The following CIC variants were observed in gnomAD, a reference collection of about 807,000 sequenced individuals.
CIC encodes the protein capicua transcriptional repressor.
A neutral mutation model predicts 115.7 loss-of-function variants in CIC; 18 were observed. That is an observed-to-expected ratio of 0.16 (90% CI 0.11 to 0.23). The LOEUF (loss-of-function observed/expected upper bound fraction) is 0.23, where lower values mean the gene tolerates loss of function less well. Among genes scored for constraint, CIC ranks in the 10% least tolerant of loss-of-function variants. CIC has a pLI of 1.00. For missense variants in CIC, 2,000 were observed against 2,159.3 expected (o/e 0.93, Z 1.46); for synonymous variants, 1,076 against 923.0 (o/e 1.17, Z -3.01).
chr19:42,279,557 G>A (rs896800166), intron 2 of CIC, among the ~76,000 whole-genome samples: 3 of 152,238 alleles, frequency 2.0e-5, no homozygotes, highest in Non-Finnish European at 4.4e-5. Flanking sequence ...CATGAGCAAA[G>A]ACCAGGAAGA....
In CIC at chr19:42,295,678, TA is replaced by T. The variant is rs1280610863; in HGVS notation, c.*489del. The T allele has an allele frequency of 8.6e-6, 2 of 232,060 alleles. No homozygotes were observed. Among genetic ancestry groups the T allele is most frequent in the Non-Finnish European group, 1.7e-5 (2 of 117,466 alleles). 14.4% of individuals were successfully genotyped at this position (232,060 alleles called of 1,614,324 possible). A position where few individuals can be genotyped will look rare whatever the true frequency, so the allele number is the denominator to read the frequency against. ...CCCTCCCAACTTGGGTTGTACTTTC[TA>T]AGAAGGTGATTCCCCCTGCCCTTGC... On this transcript the variant is annotated 3_prime_UTR_variant, in exon 21 of 21. Coordinates refer to ENST00000681038, the MANE Select transcript of CIC (RefSeq NM_001386298.1).
chr19:42,287,875 C>T lies in CIC; in HGVS notation c.3558C>T (p.Ser1186=), dbSNP rs1248745980. ...GGTGCAACAAGGACCGAAAGAAGTC[C>T]AGCTCAGAGGCCAAGCCCACGAGCC... The part of the protein sequence containing the change: ...WKWCNKDRKK[S]SSEAKPTSLG... Residue 1186 remains serine (S), a synonymous_variant, in exon 7 of 21, where the codon TCC becomes TCT. Transcript: ENST00000681038. This position sits in a 1 kb window ranked among gnomAD's most constrained non-coding sequence, Gnocchi z 8.7. 6 of 1,612,292 alleles carry T rather than the reference C, an allele frequency of 3.7e-6. No homozygotes were observed. Among genetic ancestry groups the T allele is most frequent in the Non-Finnish European group, 3.4e-6 (4 of 1,179,178 alleles).
In CIC at chr19:42,292,912, G is replaced by A. The variant is rs200952121; in HGVS notation, c.6197-44G>A. 139 of 1,613,926 alleles carry A rather than the reference G, an allele frequency of 8.6e-5. No homozygotes were observed. In the East Asian group the frequency reaches 3.0e-3, roughly 35 times the overall value. On this transcript the variant is annotated intron_variant, in intron 15 of 20. Coordinates refer to ENST00000681038, the MANE Select transcript of CIC (RefSeq NM_001386298.1). The stretch of plus-strand genomic sequence containing the variant: ...GTGAGTTGGGGGACCCAGGGGATGG[G>A]CTCCAGTCAGGCCTGGCTCAGCAAA...
chr19:42,291,503 A>G (rs767210220), intron 11 of CIC, 37 bp downstream of exon 11: 24 of 1,613,072 alleles, frequency 1.5e-5, no homozygotes, highest in South Asian at 2.2e-5. Flanking sequence ...GGGAGGGGCC[A>G]TAGTCCTGTT....
rs1390998169 is a variant in CIC at position 42,290,486 on chromosome 19, C to T, written c.4445C>T (p.Pro1482Leu). 1 of 1,613,772 alleles carries T rather than the reference C, an allele frequency of 6.2e-7. No individual in the cohort carries two copies. Residue 1482 changes from proline to leucine, a missense_variant, in exon 11 of 21, where the codon CCC becomes CTC. This residue lies in a region of CIC where 1,466 missense variants were observed against 1,390.4 expected (regional missense o/e 1.05). Transcript: ENST00000681038. ...GQGSTAGPLRPPPPGAGGPAT... is the reference protein window; with the variant it reads ...GQGSTAGPLRLPPPGAGGPAT... ...GGCAGCACAGCGGGCCCCCTACGGC[C>T]CCCACCCCCTGGGGCTGGGGGTCCA...
rs556729516 is a variant in CIC at position 42,290,588 on chromosome 19, G to A, written c.4547G>A (p.Gly1516Asp). 6.2e-7 allele frequency: 1 copy of A among 1,613,782 alleles called. No homozygotes were observed. Among genetic ancestry groups the A allele is most frequent in the East Asian group, 2.2e-5 (1 of 44,868 alleles). ...TFRRKRPESV[G>D]GLEPPGPSVI... ...CGGCGCAAGAGACCCGAAAGTGTGG[G>A]TGGCCTGGAGCCACCAGGCCCCTCA... The change falls in exon 11 of 21, where the codon GGT becomes GAT. Residue 1516 changes from glycine to aspartate, a missense_variant. By Grantham distance (94) the Gly-to-Asp change is moderately conservative. Around this residue, in one of 8 missense-constraint regions of CIC, gnomAD observed 1,466 missense variants for 1,390.4 expected, o/e 1.05. Transcript: ENST00000681038.
chr19:42,290,910 G>A lies in CIC; in HGVS notation c.4869G>A (p.Gly1623=), dbSNP rs1234311163. ...GTGCCAGGACTGAAATGGGCACTGGGTCTCGGGTGCCTGGGGGCTCCCCGC... is the reference window on the plus strand; with the variant it reads ...GTGCCAGGACTGAAATGGGCACTGGATCTCGGGTGCCTGGGGGCTCCCCGC... ...TAGARTEMGT[G]SRVPGGSPLG... Residue 1623 remains glycine, a synonymous_variant, in exon 11 of 21, where the codon GGG becomes GGA. Transcript: ENST00000681038. 3 of 1,613,430 alleles carry A rather than the reference G, an allele frequency of 1.9e-6. No individual in the cohort carries two copies. In the Admixed American group the frequency reaches 5.0e-5, roughly 27 times the overall value.
intron 2 of CIC, among the ~76,000 whole-genome samples, chr19:42,283,714 C>T (rs576302784): frequency 6.6e-6 from 1 of 152,134 alleles, no homozygotes; most frequent in South Asian, 2.1e-4. Context: ...GGACACACAA[C>T]AGCACCACGC....
rs1202627802 is a variant in CIC, at chr19:42,273,569, G to A, written c.1786G>A (p.Glu596Lys). 1 of 398,422 alleles carries A rather than the reference G, an allele frequency of 2.5e-6. No homozygotes were observed. The highest frequency in any genetic ancestry group is 4.4e-6 in the Non-Finnish European group (1 of 226,018). 24.7% of individuals were successfully genotyped at this position (398,422 alleles called of 1,614,324 possible). A position where few individuals can be genotyped will look rare whatever the true frequency, so the allele number is the denominator to read the frequency against. Residue 596 changes from glutamate (E) to lysine (K), a missense_variant, in exon 2 of 21, where the codon GAG becomes AAG. Glu to Lys is a moderately conservative substitution (Grantham distance 56). This residue lies in a region of CIC where 222 missense variants were observed against 247.7 expected (regional missense o/e 0.90). Transcript: ENST00000681038. ...PADLSRFEFD[E>K]CEAAVMLVSL... ...TGACTTGTCACGCTTTGAGTTCGAC[G>A]AGTGTGAGGCGGCCGTGATGCTGGT... is the stretch of plus-strand genomic sequence containing the variant.
intron 9 of CIC, 109 bp from the exon 10 acceptor site, chr19:42,289,739 A>G: frequency 2.0e-6 from 2 of 987,766 alleles, no homozygotes; most frequent in South Asian, 2.8e-5. Context: ...CTTCCTGGAC[A>G]GCACTCCCTG....
chr19:42,269,481 A>C (rs2036683004), intron 1 of CIC, 100 bp downstream of exon 1: 1 of 98,900 alleles, frequency 1.0e-5, no homozygotes. Flanking sequence ...TACAGGGGGA[A>C]AGGGGTGGGC....
In CIC at chr19:42,292,593, G is replaced by C. The variant is rs751288691; in HGVS notation, c.5930G>C (p.Gly1977Ala). The C allele has an allele frequency of 3.1e-6, 5 of 1,613,328 alleles. No individual in the cohort carries two copies. The highest frequency in any genetic ancestry group is 4.2e-6 in the Non-Finnish European group (5 of 1,179,926). ...SAGQAPLLAP[G>A]QVGVSPVPSP... ...GGCCAAGCCCCACTGCTGGCTCCCGGTCAGGTGGGCGTGTCACCTGTGCCC... is the reference window on the plus strand; with the variant it reads ...GGCCAAGCCCCACTGCTGGCTCCCGCTCAGGTGGGCGTGTCACCTGTGCCC... Residue 1977 changes from glycine to alanine, a missense_variant, in exon 15 of 21, where the codon GGT becomes GCT. By Grantham distance (60) the Gly-to-Ala change is moderately conservative (BLOSUM62 0). Around this residue, in one of 8 missense-constraint regions of CIC, gnomAD observed 1,466 missense variants for 1,390.4 expected, o/e 1.05. Coordinates refer to ENST00000681038, the MANE Select transcript of CIC (RefSeq NM_001386298.1).
intron 2 of CIC, 124 bp from the exon 3 acceptor site, chr19:42,286,647 C>T (rs952506418): frequency 1.0e-5 from 12 of 1,181,306 alleles, no homozygotes; most frequent in East Asian, 7.4e-5. Context: ...CCAAGAGGCT[C>T]TGGTGTTGGG....
In CIC at chr19:42,294,081, A is replaced by G. The variant is rs759847617; in HGVS notation, c.6914A>G (p.Asn2305Ser). The change falls in exon 18 of 21, where the codon AAC becomes AGC. Residue 2305 changes from asparagine (N) to serine (S), a missense_variant. This residue lies in a region of CIC where 99 missense variants were observed against 217.6 expected (regional missense o/e 0.45). Coordinates refer to ENST00000681038, the MANE Select transcript of CIC (RefSeq NM_001386298.1). ...GGCTCTTACCGCAAGAAGAGGAAGA[A>G]CTCCACGGGTAGGCGAGCATTGGGC... ...ILGSYRKKRK[N>S]STDLDSAPED... The G allele has an allele frequency of 6.2e-7, 1 of 1,613,496 alleles. No homozygotes were observed. Among genetic ancestry groups the G allele is most frequent in the East Asian group, 2.2e-5 (1 of 44,862 alleles).
At position 42,280,658 on chromosome 19, in the gene CIC, A is replaced by C. The variant is rs2037192113; in HGVS notation, c.2794+6081A>C. On this transcript the variant is annotated intron_variant, in intron 2 of 20. Coordinates refer to ENST00000681038, the MANE Select transcript of CIC (RefSeq NM_001386298.1). The surrounding 1 kb of genome is among the most constrained non-coding windows in gnomAD (Gnocchi z 4.9). ...CCCCGCCGCGGCCCGCGTGGGTGTC[A>C]GGCCGGCCGGGCACCCGTCCGCCCT... 2.6e-5 allele frequency among the ~76,000 whole-genome samples: 4 copies of C among 151,824 alleles called. No individual in the cohort carries two copies. The South Asian group carries it at 6.2e-4, about 24-fold the overall frequency.
At chr19:42,285,522 C>T (rs1008871960) in intron 2 of CIC, among the ~76,000 whole-genome samples, 12 of 152,216 alleles carry the variant, frequency 7.9e-5, no homozygotes, top group Admixed American at 6.5e-4. Context: ...TTGTCAGCCC[C>T]TCTCAGAATC....
chr19:42,272,767 T>C lies in CIC; in HGVS notation c.984T>C (p.Ala328=). The C allele has an allele frequency of 2.5e-6, 1 of 398,750 alleles. No homozygotes were observed. The highest frequency in any genetic ancestry group is 4.4e-6 in the Non-Finnish European group (1 of 226,242). The allele number at this position is 398,750 out of a possible 1,614,324, so 24.7% of individuals were successfully genotyped here. A position where few individuals can be genotyped will look rare whatever the true frequency, so the allele number is the denominator to read the frequency against. Residue 328 remains alanine (A), a synonymous_variant, in exon 2 of 21, where the codon GCT becomes GCC. Coordinates refer to ENST00000681038, the MANE Select transcript of CIC (RefSeq NM_001386298.1). ...PQPLHREPEE[A]VWVARSSLRL... ...CACTGCACCGTGAGCCAGAGGAGGCTGTGTGGGTGGCCCGCTCCAGCCTAC... is the reference window on the plus strand; with the variant it reads ...CACTGCACCGTGAGCCAGAGGAGGCCGTGTGGGTGGCCCGCTCCAGCCTAC...
At position 42,291,602 on chromosome 19, in the gene CIC, G is replaced by C. The variant is rs1397901948; in HGVS notation, c.5470G>C (p.Ala1824Pro). 1.2e-6 allele frequency: 2 copies of C among 1,612,892 alleles called. No individual in the cohort carries two copies. The highest frequency in any genetic ancestry group is 4.5e-5 in the East Asian group (2 of 44,876). Residue 1824 changes from alanine (A) to proline (P), a missense_variant, in exon 12 of 21, where the codon GCC becomes CCC. Ala to Pro is a conservative substitution (Grantham distance 27). Around this residue, in one of 8 missense-constraint regions of CIC, gnomAD observed 1,466 missense variants for 1,390.4 expected, o/e 1.05. Transcript: ENST00000681038. ...PVQAPPPGGS[A>P]QLLPGKVLVP... ...GCAGGCCCCGCCCCCGGGTGGCTCAGCCCAGCTGCTGCCTGGGAAGGTCCT... is the reference window on the plus strand; with the variant it reads ...GCAGGCCCCGCCCCCGGGTGGCTCACCCCAGCTGCTGCCTGGGAAGGTCCT...
At chr19:42,282,888 G>C (rs2037327342) in intron 2 of CIC, among the ~76,000 whole-genome samples, 1 of 151,566 alleles carries the variant, frequency 6.6e-6, no homozygotes, top group Non-Finnish European at 1.5e-5. Flanking sequence ...GGGAGGGGGG[G>C]CGGGGTTAGT....
Sources: allele counts gnomAD v4.1 joint callset (sites outside exome capture counted in the v4.1 genomes callset), GRCh38; gene constraint gnomAD v4.1.1; regional missense constraint gnomAD v4.1.1; non-coding constraint Gnocchi (gnomAD v3.1); transcripts MANE v1.5; gene names NCBI Gene and HGNC (gene_info 2026-07-23, HGNC 2026-07-21).